The following SLCO1B3 variants were observed in gnomAD, a reference collection of about 807,000 sequenced individuals.
SLCO1B3 encodes solute carrier organic anion transporter family member 1B3.
Under a neutral mutation model 71.8 loss-of-function variants are expected in SLCO1B3, and 72 were observed. That is an observed-to-expected ratio of 1.00 (90% confidence interval 0.83 to 1.22). The LOEUF is 1.22. SLCO1B3 is among the 50% of genes most tolerant of loss of function. SLCO1B3 has a pLI of 0.00. For synonymous variants in SLCO1B3, 298 were observed against 278.4 expected (o/e 1.07, Z -0.70); for missense variants, 911 against 819.7 (o/e 1.11, Z -1.36).
intron 2 of SLCO1B3, among the ~76,000 whole-genome samples, chr12:20,814,607 A>G (rs1864158586): frequency 6.6e-6 from 1 of 152,150 alleles, no homozygotes; most frequent in Non-Finnish European, 1.5e-5. Flanking sequence ...AATGCATATT[A>G]AGGCTGGGCG....
intron 3 of SLCO1B3, among the ~76,000 whole-genome samples, chr12:20,853,403 G>A (rs2121216006): frequency 6.6e-6 from 1 of 152,006 alleles, no homozygotes; most frequent in Admixed American, 6.5e-5. Context: ...CTGCTTCAAT[G>A]TCCTAATTAT....
chr12:20,816,933 G>A (rs1439019860), intron 3 of SLCO1B3, among the ~76,000 whole-genome samples: 1 of 152,168 alleles, frequency 6.6e-6, no homozygotes, highest in Non-Finnish European at 1.5e-5. Flanking sequence ...GTATTGATTT[G>A]CATTTCTCTG....
chr12:20,884,725 T>G (rs939520121), intron 13 of SLCO1B3, among the ~76,000 whole-genome samples: 13 of 151,856 alleles, frequency 8.6e-5, no homozygotes, highest in East Asian at 5.8e-4. Flanking sequence ...TTTTAAAACC[T>G]ACTAGTTGAT....
Position 20,916,299 on chromosome 12 carries a change from C to G in SLCO1B3, c.*52C>G. ...TTTTTGAGGTGTTCCTGGTCTTTCACTGACAATTCCAACATTCTTTACTTA... is the reference window on the plus strand; with the variant it reads ...TTTTTGAGGTGTTCCTGGTCTTTCAGTGACAATTCCAACATTCTTTACTTA... On this transcript the variant is annotated 3_prime_UTR_variant, in exon 16 of 16. Coordinates refer to ENST00000381545, the MANE Select transcript of SLCO1B3 (RefSeq NM_019844.4). 1.3e-6 allele frequency: 2 copies of G among 1,538,926 alleles called. No homozygotes were observed. The highest frequency in any genetic ancestry group is 1.8e-6 in the Non-Finnish European group (2 of 1,127,100).
At chr12:20,873,976 T>A (rs1865528115) in intron 8 of SLCO1B3, among the ~76,000 whole-genome samples, 1 of 152,212 alleles carries the variant, frequency 6.6e-6, no homozygotes, top group Non-Finnish European at 1.5e-5. Context: ...ATGGTGTATA[T>A]GTACCACATT....
chr12:20,883,546 CATA>C lies in SLCO1B3; in HGVS notation c.1628_1630del (p.Ile543del), dbSNP rs770351889. The C allele has an allele frequency of 6.2e-7, 1 of 1,604,344 alleles. No individual in the cohort carries two copies. The highest frequency in any genetic ancestry group is 8.5e-7 in the Non-Finnish European group (1 of 1,176,592). ...TTTTCATCTATGTTGCAATTCAAGT[CATA>C]AACTCTTTGTTCTCTGCAACAGGAG... On this transcript the variant is annotated inframe_deletion, in exon 13 of 16. Coordinates refer to ENST00000381545, the MANE Select transcript of SLCO1B3 (RefSeq NM_019844.4).
Position 20,916,034 on chromosome 12 carries a change from A to G in SLCO1B3, c.1896A>G (p.Leu632=). ...TCTACTTGGGCTTATCTATAGCTTT[A>G]AGATTCCCAGCACTTGTTTTATATA... The part of the protein sequence containing the change: ...GRVYLGLSIA[L]RFPALVLYIV... The change falls in exon 16 of 16, where the codon TTA becomes TTG. Residue 632 remains leucine (L), a synonymous_variant. Coordinates refer to ENST00000381545, the MANE Select transcript of SLCO1B3 (RefSeq NM_019844.4). The G allele has an allele frequency of 6.2e-7, 1 of 1,609,532 alleles. No individual in the cohort carries two copies. Among genetic ancestry groups the G allele is most frequent in the African/African-American group, 1.3e-5 (1 of 74,868 alleles).
chr12:20,908,036 G>T (rs891106002), intron 15 of SLCO1B3, among the ~76,000 whole-genome samples: 1 of 152,000 alleles, frequency 6.6e-6, no homozygotes, highest in African/African-American at 2.4e-5. Flanking sequence ...GTATGAAAAG[G>T]CCACTAAAAC....
At chr12:20,867,670 A>G (rs977884185) in intron 8 of SLCO1B3, among the ~76,000 whole-genome samples, 1 of 152,244 alleles carries the variant, frequency 6.6e-6, no homozygotes, top group Non-Finnish European at 1.5e-5. Flanking sequence ...GTATTTTACA[A>G]CATGGAAGCT....
At position 20,901,364 on chromosome 12, in the gene SLCO1B3, C is replaced by G. The variant is rs758882062; in HGVS notation, c.1762C>G (p.Pro588Ala). ...VIRTLGGILA[P>A]IYFGALIDKT... ...TCATGTTGCAGGAGGAATTCTAGCT[C>G]CAATATATTTTGGGGCTCTGATTGA... The change falls in exon 15 of 16, where the codon CCA becomes GCA. Residue 588 changes from proline (P) to alanine (A), a missense_variant. By Grantham distance (27) the Pro-to-Ala change is conservative. Coordinates refer to ENST00000381545, the MANE Select transcript of SLCO1B3 (RefSeq NM_019844.4). The G allele has an allele frequency of 1.9e-6, 3 of 1,577,146 alleles. No individual in the cohort carries two copies. Among genetic ancestry groups the G allele is most frequent in the Non-Finnish European group, 2.6e-6 (3 of 1,163,766 alleles).
At chr12:20,887,855 C>T (rs1168023102) in intron 13 of SLCO1B3, among the ~76,000 whole-genome samples, 2 of 151,832 alleles carry the variant, frequency 1.3e-5, no homozygotes, top group Non-Finnish European at 2.9e-5. Context: ...TTTATAGTTT[C>T]AGGCCTTACA....
intron 1 of SLCO1B3, among the ~76,000 whole-genome samples, chr12:20,813,090 A>T (rs1402910692): frequency 1.3e-5 from 2 of 152,154 alleles, no homozygotes; most frequent in Non-Finnish European, 2.9e-5. Context: ...ATACATAGGT[A>T]TGGGTTTCTC....
intron 15 of SLCO1B3, among the ~76,000 whole-genome samples, chr12:20,913,864 G>A (rs1402987326): frequency 6.6e-6 from 1 of 152,144 alleles, no homozygotes; most frequent in South Asian, 2.1e-4. Context: ...AGATCCTTCT[G>A]CCTCAGCCTC....
intron 15 of SLCO1B3, among the ~76,000 whole-genome samples, chr12:20,906,003 G>A (rs1866237714): frequency 6.6e-6 from 1 of 152,148 alleles, no homozygotes; most frequent in South Asian, 2.1e-4. Flanking sequence ...TGTAAAAAGG[G>A]AAGGACTACA....
At chr12:20,898,348 G>A in intron 13 of SLCO1B3, 88 bp from the exon 14 acceptor site, 1 of 810,524 alleles carries the variant, frequency 1.2e-6, no homozygotes, top group Non-Finnish European at 2.2e-6. Context: ...CTACCAGGGA[G>A]AGGAATGATG....
intron 3 of SLCO1B3, among the ~76,000 whole-genome samples, chr12:20,833,449 T>C (rs1194960800): frequency 6.7e-6 from 1 of 149,496 alleles, no homozygotes; most frequent in African/African-American, 2.4e-5. Context: ...TATACACACA[T>C]ATATAGTTTG....
At chr12:20,857,213 A>C (rs574734836) in intron 4 of SLCO1B3, among the ~76,000 whole-genome samples, 1 of 152,260 alleles carries the variant, frequency 6.6e-6, no homozygotes, top group Non-Finnish European at 1.5e-5. Flanking sequence ...TTAAATATCC[A>C]AAAATTTACT....
At chr12:20,845,414 T>C (rs111253590) in intron 3 of SLCO1B3, among the ~76,000 whole-genome samples, 22 of 152,306 alleles carry the variant, frequency 1.4e-4, no homozygotes, top group African/African-American at 5.3e-4. Context: ...AGACCTACTT[T>C]GAACTGAGTA....
chr12:20,896,140 G>C (rs1866002151), intron 13 of SLCO1B3, among the ~76,000 whole-genome samples: 1 of 152,212 alleles, frequency 6.6e-6, no homozygotes, highest in South Asian at 2.1e-4. Flanking sequence ...TTTGACGGGA[G>C]GGGCTACCAT....
Sources: gnomAD v4.1 joint callset for allele counts (sites outside exome capture counted in the v4.1 genomes callset) on GRCh38, gnomAD v4.1.1 for gene constraint, MANE v1.5 for transcripts, NCBI Gene and HGNC (gene_info 2026-07-23, HGNC 2026-07-21) for gene names.